MIER2: variants seen among roughly 807,000 people sequenced by gnomAD.
MIER2 encodes MIER family member 2.
A neutral mutation model predicts 67.6 loss-of-function variants in MIER2; 30 were observed. That is an observed-to-expected ratio of 0.44 (90% CI 0.33 to 0.60). The LOEUF (loss-of-function observed/expected upper bound fraction) is 0.60, where lower values mean the gene tolerates loss of function less well. MIER2 is among the 20% of genes least tolerant of loss of function. The probability of loss-of-function intolerance (pLI) is 0.02; values close to 1 mark genes in which losing one functional copy is unlikely to be tolerated. For missense variants in MIER2, 702 were observed against 745.1 expected, an observed-to-expected ratio of 0.94 and a Z score of 0.67; for synonymous variants, 372 against 312.6, an observed-to-expected ratio of 1.19 and a Z score of -2.00.
intron 1 of MIER2, 71 bp from the exon 2 acceptor site, chr19:336,244 C>G (rs1353034934): frequency 7.6e-7 from 1 of 1,314,124 alleles, no homozygotes; most frequent in East Asian, 2.4e-5. Flanking sequence ...AGTGTGGCAG[C>G]CAAGAGCAAG....
At position 306,642 on chromosome 19, in the gene MIER2, G is replaced by T. The variant is rs1303822214; in HGVS notation, c.*48C>A. The T allele has an allele frequency of 1.9e-6, 3 of 1,549,982 alleles. No homozygotes were observed. Among genetic ancestry groups the T allele is most frequent in the African/African-American group, 2.7e-5 (2 of 73,018 alleles). ...AAGACTGACAGAGGCGGGCCCAGCG[G>T]CAGCGCTAAGTCCAGTCTGGGCCGC... On this transcript the variant is annotated 3_prime_UTR_variant, in exon 14 of 14. Coordinates refer to ENST00000264819, the MANE Select transcript of MIER2 (RefSeq NM_017550.3).
intron 7 of MIER2, among the ~76,000 whole-genome samples, chr19:322,097 G>C (rs1971529191): frequency 6.6e-6 from 1 of 151,886 alleles, no homozygotes; most frequent in South Asian, 2.1e-4. Flanking sequence ...TAGAGACGGG[G>C]TTTCACCGTG....
At chr19:331,972 C>G (rs113067385) in intron 3 of MIER2, among the ~76,000 whole-genome samples, 1 of 152,080 alleles carries the variant, frequency 6.6e-6, no homozygotes, top group African/African-American at 2.4e-5. Flanking sequence ...CAGAGCAAGA[C>G]TCCATCTCAA....
intron 7 of MIER2, among the ~76,000 whole-genome samples, chr19:324,978 CCT>C (rs961196672): frequency 6.6e-6 from 1 of 152,362 alleles, no homozygotes; most frequent in South Asian, 2.1e-4. Flanking sequence ...ACGGAGGGTC[CCT>C]GTCTCCCTGG....
At chr19:336,254 G>A in intron 1 of MIER2, 81 bp from the exon 2 acceptor site, 1 of 1,182,616 alleles carries the variant, frequency 8.5e-7, no homozygotes, top group Admixed American at 2.0e-5. Flanking sequence ...CCAAGAGCAA[G>A]CGCTGGTCAG....
chr19:333,907 C>T (rs10426432), intron 3 of MIER2, among the ~76,000 whole-genome samples: 112,225 of 152,052 alleles, frequency 0.74, 41,721 homozygotes, highest in African/African-American at 0.82. Flanking sequence ...TTAGCCAGGA[C>T]GGTCTCGATC....
intron 7 of MIER2, among the ~76,000 whole-genome samples, chr19:318,439 C>G (rs540873228): frequency 3.9e-5 from 6 of 151,984 alleles, no homozygotes; most frequent in East Asian, 1.9e-4. Flanking sequence ...GCACTTAACA[C>G]AATGTGAAGT....
Position 308,637 on chromosome 19 carries a change from C to T in MIER2, c.1138G>A (p.Asp380Asn), listed in dbSNP as rs772683196. Residue 380 changes from aspartate (D) to asparagine (N), a missense_variant, in exon 12 of 14, where the codon GAC becomes AAC. By Grantham distance (23) the Asp-to-Asn change is conservative (BLOSUM62 1). Transcript: ENST00000264819. This position sits in a 1 kb window ranked among gnomAD's most constrained non-coding sequence, Gnocchi z 9.1. ...TDADQDLDGS[D>N]PDGPGRPRPE... ...CGCGGACGGCCGGGGCCATCGGGGT[C>T]GCTGCCATCCAGGTCCTGGTCTGCG... is the stretch of plus-strand genomic sequence containing the variant. 31 of 1,605,528 alleles carry T rather than the reference C, an allele frequency of 1.9e-5. No homozygotes were observed. Among genetic ancestry groups the T allele is most frequent in the South Asian group, 1.6e-4 (14 of 90,006 alleles).
chr19:325,818 G>A (rs1418870884), intron 6 of MIER2, 114 bp from the exon 7 acceptor site: 1 of 1,154,220 alleles, frequency 8.7e-7, no homozygotes, highest in Non-Finnish European at 1.3e-6. Context: ...CCAGACCCCA[G>A]ACCCATCTGT....
Position 312,215 on chromosome 19 carries a change from G to A in MIER2, c.865C>T (p.Arg289Trp), listed in dbSNP as rs148482834. 3.1e-4 allele frequency: 505 copies of A among 1,613,808 alleles called. No homozygotes were observed. The highest frequency in any genetic ancestry group is 4.0e-4 in the Non-Finnish European group (470 of 1,179,828). Residue 289 changes from arginine (R) to tryptophan (W), a missense_variant, in exon 9 of 14, where the codon CGG (arginine) becomes TGG (tryptophan). Coordinates refer to ENST00000264819, the MANE Select transcript of MIER2 (RefSeq NM_017550.3). The stretch of plus-strand genomic sequence containing the variant: ...CCTCGGATCACCTTCACGTTGAACC[G>A]CAGCCTTCGCAGGGCCTCCTCCACA... Reference protein sequence around the residue: ...FNVEEALRRLRFNVKVIRDGL... With the variant: ...FNVEEALRRLWFNVKVIRDGL...
rs551843836 is a variant in MIER2, at chr19:324,520, G to A, written c.655+1115C>T. Among the ~76,000 whole-genome samples, 11 of 129,648 alleles carry A rather than the reference G, an allele frequency of 8.5e-5. 1 individual carries two copies. Among genetic ancestry groups the A allele is most frequent in the East Asian group, 2.3e-4 (1 of 4,376 alleles). The allele number at this position is 129,648 out of a possible 152,430, so 85.1% of individuals were successfully genotyped here. On this transcript the variant is annotated intron_variant, in intron 7 of 13. Transcript: ENST00000264819. ...CGCAGATGACTCGAAGGACACAGAC[G>A]TCATCACAATGCAATAAAGACACAC...
At position 327,872 on chromosome 19, in the gene MIER2, G is replaced by A. The variant is rs201872511; in HGVS notation, c.361C>T (p.Leu121=). 1.2e-6 allele frequency: 2 copies of A among 1,612,138 alleles called. No individual in the cohort carries two copies. Among genetic ancestry groups the A allele is most frequent in the East Asian group, 2.2e-5 (1 of 44,616 alleles). ...GAAGGGCCCTCACTTACTTTGTCCA[G>A]GGTCATGTCTGGGAGGTTCGGGGCC... ...DVAPNLPDMT[L]DKEQIAKDLL... The change falls in exon 4 of 14, where the codon CTG becomes TTG. Residue 121 remains leucine (L), a synonymous_variant. Transcript: ENST00000264819.
chr19:319,403 G>C lies in MIER2; in HGVS notation c.656-5760C>G, dbSNP rs545225796. Reference sequence around the variant, plus strand: ...TAAAAAACAGAAATCCAGCAACAGGGAGACATGAACAAGGCTAAAGTTAGT... The same window carrying C: ...TAAAAAACAGAAATCCAGCAACAGGCAGACATGAACAAGGCTAAAGTTAGT... On this transcript the variant is annotated intron_variant, in intron 7 of 13. Transcript: ENST00000264819. 3.9e-5 allele frequency among the ~76,000 whole-genome samples: 6 copies of C among 152,300 alleles called. No individual in the cohort carries two copies. The South Asian group carries it at 1.2e-3, about 32-fold the overall frequency.
intron 4 of MIER2, 118 bp downstream of exon 4, chr19:327,746 C>A: frequency 1.4e-6 from 2 of 1,475,946 alleles, no homozygotes; most frequent in Non-Finnish European, 9.1e-7. Flanking sequence ...CAGGTACATT[C>A]TACTTATTCT....
chr19:340,483 G>A (rs561504279), intron 1 of MIER2: 1 of 152,240 alleles, frequency 6.6e-6, no homozygotes. Flanking sequence ...AAGTTATTAA[G>A]AAAATTGTAA....
Position 334,268 on chromosome 19 carries a change from A to T in MIER2, c.243+132T>A, listed in dbSNP as rs971044491. On this transcript the variant is annotated intron_variant, in intron 3 of 13. Coordinates refer to ENST00000264819, the MANE Select transcript of MIER2 (RefSeq NM_017550.3). The stretch of plus-strand genomic sequence containing the variant: ...TCCACTGAATTTCAGCTACTAGGAC[A>T]GCATCTGGCACTTTGCAAAAAGATG... 9.2e-6 allele frequency: 12 copies of T among 1,302,800 alleles called. No homozygotes were observed. In the African/African-American group the frequency reaches 1.5e-4, roughly 16 times the overall value. 80.7% of individuals were successfully genotyped at this position (1,302,800 alleles called of 1,614,324 possible). A position where few individuals can be genotyped will look rare whatever the true frequency, so the allele number is the denominator to read the frequency against.
intron 1 of MIER2, chr19:340,655 C>A (rs934228271): frequency 7.2e-5 from 11 of 152,238 alleles, no homozygotes; most frequent in Middle Eastern, 6.3e-3. Flanking sequence ...ATAAGTGACC[C>A]ATGCAGTTCA....
chr19:344,491 C>T (rs1193838139), intron 1 of MIER2: 3 of 531,366 alleles, frequency 5.6e-6, no homozygotes, highest in South Asian at 1.6e-4. Flanking sequence ...CCGCGTCCCT[C>T]CCCTCCCCCA....
chr19:327,517 T>C (rs934917733), intron 4 of MIER2, among the ~76,000 whole-genome samples: 4 of 152,244 alleles, frequency 2.6e-5, no homozygotes, highest in Non-Finnish European at 5.9e-5. Flanking sequence ...TTTCTCTGAC[T>C]GTGCATTTGG....
Sources: allele counts gnomAD v4.1 joint callset (sites outside exome capture counted in the v4.1 genomes callset), GRCh38; gene constraint gnomAD v4.1.1; non-coding constraint Gnocchi (gnomAD v3.1); transcripts MANE v1.5; gene names NCBI Gene and HGNC (gene_info 2026-07-23, HGNC 2026-07-21).